Variants in CEP350 observed in about 807,000 individuals in gnomAD.
The protein encoded by CEP350 is centrosomal protein 350, also known as centrosome-associated protein 350.
CEP350 carries 126 observed loss-of-function variants against 331.8 expected under a neutral mutation model. That is an observed-to-expected ratio of 0.38 (90% CI 0.33 to 0.44). The LOEUF (loss-of-function observed/expected upper bound fraction) is 0.44, where lower values mean the gene tolerates loss of function less well. Among genes scored for constraint, CEP350 ranks in the 20% least tolerant of loss-of-function variants. The pLI is 1.00. For missense variants in CEP350, 3,406 were observed against 3,634.6 expected, an observed-to-expected ratio of 0.94 and a Z score of 1.62; for synonymous variants, 1,200 against 1,259.5, an observed-to-expected ratio of 0.95 and a Z score of 1.00.
intron 25 of CEP350, among the ~76,000 whole-genome samples, chr1:180,058,493 T>C (rs1333458708): frequency 6.6e-6 from 1 of 152,196 alleles, no homozygotes; most frequent in Non-Finnish European, 1.5e-5. Context: ...TAGTATATGT[T>C]CTGTGGAACC....
chr1:180,014,054 A>T lies in CEP350; in HGVS notation c.1601A>T (p.Asp534Val). The T allele has an allele frequency of 6.2e-7, 1 of 1,612,478 alleles. No individual in the cohort carries two copies. The highest frequency in any genetic ancestry group is 8.5e-7 in the Non-Finnish European group (1 of 1,179,140). Residue 534 changes from aspartate to valine, a missense_variant, in exon 10 of 38, where the codon GAC (aspartate) becomes GTC (valine). Physicochemically the swap from Asp to Val is radical, Grantham distance 152. This residue lies in a region of CEP350 where 1,857 missense variants were observed against 1,909.2 expected (regional missense o/e 0.97). Transcript: ENST00000367607. The part of the protein sequence containing the change: ...LPIEIRGILD[D>V]LQLDSTAHTA... ...ATTGAAATTCGTGGCATTCTTGATG[A>T]CCTACAGCTGGATTCTACAGCTCAC... is the stretch of plus-strand genomic sequence containing the variant.
chr1:180,072,246 T>G (rs1332865949), intron 27 of CEP350, among the ~76,000 whole-genome samples: 1 of 152,222 alleles, frequency 6.6e-6, no homozygotes, highest in Non-Finnish European at 1.5e-5. Flanking sequence ...CGTTCCTCAT[T>G]CCTAAACTAG....
At chr1:180,033,372 A>AT (rs1160246823) in intron 15 of CEP350, among the ~76,000 whole-genome samples, 2 of 152,102 alleles carry the variant, frequency 1.3e-5, no homozygotes, top group Non-Finnish European at 1.5e-5. Flanking sequence ...ATAGTGTGAA[A>AT]TTTTTTTCTG....
chr1:180,004,041 A>T (rs567587672), intron 7 of CEP350, among the ~76,000 whole-genome samples: 2 of 152,218 alleles, frequency 1.3e-5, no homozygotes, highest in Admixed American at 6.5e-5. Flanking sequence ...CTATTCAGAA[A>T]TTTTTTTCTC....
At chr1:180,073,103 A>G (rs1198363480) in intron 27 of CEP350, among the ~76,000 whole-genome samples, 1 of 151,830 alleles carries the variant, frequency 6.6e-6, no homozygotes, top group Non-Finnish European at 1.5e-5. Context: ...TCTACTGACT[A>G]TTTATTGGGA....
chr1:179,986,174 T>C lies in CEP350; in HGVS notation c.-8T>C. The stretch of plus-strand genomic sequence containing the variant: ...GAATACTGATGTGATTGCAGGTAAA[T>C]TGGCAGGATGAGGAGCAGCAAATCA... On this transcript the variant is annotated 5_prime_UTR_variant, in exon 2 of 38. Coordinates refer to ENST00000367607, the MANE Select transcript of CEP350 (RefSeq NM_014810.5). The C allele has an allele frequency of 6.4e-7, 1 of 1,550,492 alleles. No homozygotes were observed. Among genetic ancestry groups the C allele is most frequent in the African/African-American group, 1.4e-5 (1 of 73,144 alleles).
At chr1:179,987,830 G>A (rs531390153) in intron 3 of CEP350, among the ~76,000 whole-genome samples, 22 of 152,170 alleles carry the variant, frequency 1.4e-4, no homozygotes, top group Non-Finnish European at 2.8e-4. Flanking sequence ...GGAGGCTGAG[G>A]CAGGAGGATT....
intron 1 of CEP350, among the ~76,000 whole-genome samples, chr1:179,956,694 G>T (rs1650196934): frequency 6.6e-6 from 1 of 152,118 alleles, no homozygotes; most frequent in African/African-American, 2.4e-5. Context: ...GAGCAAAAAA[G>T]AAGTCTAAAA....
intron 14 of CEP350, among the ~76,000 whole-genome samples, chr1:180,026,270 C>CA (rs529383708): frequency 1.1e-3 from 138 of 125,064 alleles, no homozygotes; most frequent in East Asian, 2.1e-3. Flanking sequence ...GACTCTGTGT[C>CA]AAAAAAAAAA....
rs138473640 is a variant in CEP350, at chr1:180,065,169, A to G, written c.5464A>G (p.Thr1822Ala). 2.5e-5 allele frequency: 40 copies of G among 1,613,502 alleles called. No homozygotes were observed. Among genetic ancestry groups the G allele is most frequent in the Admixed American group, 1.0e-4 (6 of 59,934 alleles). ...TAATAAGGCAACCAGTCCTGGTCCA[A>G]CTGACTTGGAGACCCGCAGTCCTTC... is the stretch of plus-strand genomic sequence containing the variant. ...KDNKATSPGPTDLETRSPSPI... is the reference protein window; with the variant it reads ...KDNKATSPGPADLETRSPSPI... The change falls in exon 27 of 38, where the codon ACT becomes GCT. Residue 1822 changes from threonine to alanine, a missense_variant. Coordinates refer to ENST00000367607, the MANE Select transcript of CEP350 (RefSeq NM_014810.5).
intron 14 of CEP350, among the ~76,000 whole-genome samples, chr1:180,025,176 G>A (rs1190436181): frequency 6.6e-6 from 1 of 151,962 alleles, no homozygotes; most frequent in Non-Finnish European, 1.5e-5. Flanking sequence ...CACCCGCCTT[G>A]GCCTCCCAAA....
chr1:180,107,402 G>A (rs1661201835), intron 37 of CEP350, among the ~76,000 whole-genome samples: 1 of 152,328 alleles, frequency 6.6e-6, no homozygotes, highest in East Asian at 1.9e-4. Flanking sequence ...GCCAGGCACG[G>A]TGGCTCACCT....
chr1:180,054,038 C>A, intron 24 of CEP350, 104 bp downstream of exon 24: 2 of 876,816 alleles, frequency 2.3e-6, no homozygotes, highest in East Asian at 2.7e-5. Context: ...TTAGAGCAGC[C>A]CAGTTTCTCA....
At chr1:180,001,520 A>G (rs1329669282) in intron 6 of CEP350, among the ~76,000 whole-genome samples, 1 of 152,180 alleles carries the variant, frequency 6.6e-6, no homozygotes, top group Non-Finnish European at 1.5e-5. Flanking sequence ...CAGCCTCCCA[A>G]AGTGCTGGGA....
chr1:179,981,861 A>G (rs1353005353), intron 1 of CEP350, among the ~76,000 whole-genome samples: 2 of 151,754 alleles, frequency 1.3e-5, no homozygotes, highest in Non-Finnish European at 2.9e-5. Context: ...TTAACCGGCC[A>G]TGGTGGTGTG....
chr1:180,074,930 C>G, intron 27 of CEP350, 92 bp from the exon 28 acceptor site: 1 of 1,097,262 alleles, frequency 9.1e-7, no homozygotes, highest in Non-Finnish European at 1.3e-6. Context: ...TTTTGCACAG[C>G]TTGTTGATAA....
intron 37 of CEP350, among the ~76,000 whole-genome samples, chr1:180,107,050 T>G (rs947284946): frequency 1.2e-4 from 19 of 152,336 alleles, no homozygotes; most frequent in African/African-American, 4.3e-4. Context: ...AAAATTGATG[T>G]ACCTGCCTTC....
At chr1:180,045,523 G>C (rs1657064498) in intron 21 of CEP350, among the ~76,000 whole-genome samples, 1 of 152,258 alleles carries the variant, frequency 6.6e-6, no homozygotes, top group Admixed American at 6.5e-5. Context: ...ATTAAATCAT[G>C]AAACTAAAAG....
chr1:180,094,032 A>G lies in CEP350; in HGVS notation c.7927A>G (p.Ile2643Val). The G allele has an allele frequency of 6.2e-7, 1 of 1,613,802 alleles. No individual in the cohort carries two copies. Among genetic ancestry groups the G allele is most frequent in the Non-Finnish European group, 8.5e-7 (1 of 1,179,788 alleles). Residue 2643 changes from isoleucine to valine, a missense_variant, in exon 34 of 38, where the codon ATT becomes GTT. Physicochemically the swap from Ile to Val is conservative, Grantham distance 29. Transcript: ENST00000367607. ...LKIETDNVQDISGVLEAHVHQ... is the reference protein window; with the variant it reads ...LKIETDNVQDVSGVLEAHVHQ... ...AATAGAAACAGACAATGTACAGGAC[A>G]TTTCTGGGGTACTTGAAGCCCATGT...
Sources: gnomAD v4.1 joint callset for allele counts (sites outside exome capture counted in the v4.1 genomes callset) on GRCh38, gnomAD v4.1.1 for gene constraint, gnomAD v4.1.1 regional missense constraint, MANE v1.5 for transcripts, NCBI Gene and HGNC (gene_info 2026-07-23, HGNC 2026-07-21) for gene names.